The following PHEX variants were observed in gnomAD, a reference collection of about 807,000 sequenced individuals.
The protein encoded by PHEX is phosphate regulating endopeptidase X-linked.
Under a neutral mutation model 68.0 loss-of-function variants are expected in PHEX, and 16 were observed. The ratio of observed to expected loss-of-function variants is 0.24; its 90% confidence interval spans 0.16 to 0.36. The LOEUF (loss-of-function observed/expected upper bound fraction) is 0.36, where lower values mean the gene tolerates loss of function less well. Ranked by LOEUF, PHEX falls within the 10% of genes least tolerant of loss-of-function variation. The probability of loss-of-function intolerance (pLI) is 1.00; values close to 1 mark genes in which losing one functional copy is unlikely to be tolerated. For missense variants in PHEX, 480 were observed against 575.5 expected, an observed-to-expected ratio of 0.83 and a Z score of 1.70; for synonymous variants, 208 against 205.1, an observed-to-expected ratio of 1.01 and a Z score of -0.12.
chrX:22,249,462 A>ATATATATATATATATATATATATATATG lies in PHEX; in HGVS notation c.*1534_*1535insATGTATATATATATATATATATATATAT, dbSNP rs1315432352. The ATATATATATATATATATATATATATATG allele has an allele frequency of 1.5e-5, 1 of 64,845 alleles. No individual in the cohort carries two copies. The highest frequency in any genetic ancestry group is 2.8e-5 in the Non-Finnish European group (1 of 35,536). 5.3% of individuals were successfully genotyped at this position (64,845 alleles called of 1,213,427 possible). ...TCTTTTAAAAAAAAAAAAAATATAT[A>ATATATATATATATATATATATATATATG]TATATATATATATATATATATATAT... On this transcript the variant is annotated 3_prime_UTR_variant, in exon 22 of 22. Transcript: ENST00000379374.
intron 13 of PHEX, among the ~76,000 whole-genome samples, chrX:22,168,732 T>C (rs1245668165): frequency 8.9e-6 from 1 of 112,499 alleles, no homozygotes; most frequent in Non-Finnish European, 1.9e-5. Flanking sequence ...ATGTTTGTTG[T>C]TAAATACTTT....
chrX:22,237,177 T>A (rs1569439080), intron 20 of PHEX, among the ~76,000 whole-genome samples: 2 of 111,916 alleles, frequency 1.8e-5, no homozygotes, highest in Non-Finnish European at 3.8e-5. Context: ...GTCTCTTAAG[T>A]GATATATTAA....
At chrX:22,105,931 A>G (rs1333164166) in intron 9 of PHEX, among the ~76,000 whole-genome samples, 1 of 111,963 alleles carries the variant, frequency 8.9e-6, no homozygotes, top group Admixed American at 9.5e-5. Flanking sequence ...TCCCAAATCT[A>G]AAAATTAAAA....
intron 9 of PHEX, among the ~76,000 whole-genome samples, chrX:22,100,016 C>A (rs772795194): frequency 8.9e-6 from 1 of 112,376 alleles, no homozygotes; most frequent in East Asian, 2.8e-4. Context: ...AAGATACTTT[C>A]TGATGATAAA....
chrX:22,078,627 T>C (rs1929261305), intron 5 of PHEX, among the ~76,000 whole-genome samples: 2 of 112,109 alleles, frequency 1.8e-5, no homozygotes, highest in Admixed American at 1.9e-4. Flanking sequence ...AAGCTGGTCA[T>C]CGTTTGATCA....
intron 12 of PHEX, 147 bp from the exon 13 acceptor site, chrX:22,168,165 A>G: frequency 2.0e-6 from 1 of 500,158 alleles, no homozygotes; most frequent in African/African-American, 2.3e-5. Context: ...ATATATATCT[A>G]TATATTTTTG....
chrX:22,088,896 C>A (rs947956549), intron 5 of PHEX, among the ~76,000 whole-genome samples: 4 of 112,113 alleles, frequency 3.6e-5, no homozygotes, highest in African/African-American at 1.3e-4. Flanking sequence ...AAATTTTTCC[C>A]AATATTTTTT....
At chrX:22,139,402 A>AATCCATATTTTG (rs1932363147) in intron 12 of PHEX, among the ~76,000 whole-genome samples, 1 of 112,216 alleles carries the variant, frequency 8.9e-6, no homozygotes, top group African/African-American at 3.2e-5. Flanking sequence ...TTTTGAACAA[A>AATCCATATTTTG]TTCAGTATTG....
At chrX:22,177,168 G>T (rs1189851770) in intron 13 of PHEX, among the ~76,000 whole-genome samples, 1 of 111,446 alleles carries the variant, frequency 9.0e-6, no homozygotes, top group Non-Finnish European at 1.9e-5. Context: ...GCCAGACATT[G>T]GTCAACAAGT....
At chrX:22,057,593 AG>A (rs201973855) in intron 3 of PHEX, among the ~76,000 whole-genome samples, 2 of 110,626 alleles carry the variant, frequency 1.8e-5, no homozygotes, top group African/African-American at 6.6e-5. Context: ...TCGATCTCAA[AG>A]AAAAAAAAAA....
chrX:22,093,254 A>G (rs1217968856), intron 6 of PHEX, among the ~76,000 whole-genome samples: 1 of 111,907 alleles, frequency 8.9e-6, no homozygotes, highest in Non-Finnish European at 1.9e-5. Context: ...TCACAAATAT[A>G]TCTGAAATGA....
At chrX:22,143,150 A>G (rs1271679380) in intron 12 of PHEX, among the ~76,000 whole-genome samples, 2 of 112,296 alleles carry the variant, frequency 1.8e-5, no homozygotes, top group Non-Finnish European at 3.8e-5. Flanking sequence ...AAATTCACCT[A>G]ACATAAAACT....
chrX:22,083,918 TAAAAG>T (rs1009757207), intron 5 of PHEX, among the ~76,000 whole-genome samples: 3 of 112,308 alleles, frequency 2.7e-5, no homozygotes, highest in Non-Finnish European at 3.8e-5. Context: ...TTCTACATCT[TAAAAG>T]AAAGGCTTTT....
intron 20 of PHEX, among the ~76,000 whole-genome samples, chrX:22,229,880 AGTTT>A (rs1301340751): frequency 3.6e-5 from 4 of 111,334 alleles, no homozygotes; most frequent in African/African-American, 9.8e-5. Flanking sequence ...TTAGGTCTTA[AGTTT>A]GTTTAAGTCT....
At chrX:22,163,735 G>A (rs1187052153) in intron 12 of PHEX, among the ~76,000 whole-genome samples, 1 of 111,659 alleles carries the variant, frequency 9.0e-6, no homozygotes, top group African/African-American at 3.3e-5. Context: ...TAACCAATAG[G>A]GTAATTAATC....
chrX:22,145,323 A>G (rs192688530), intron 12 of PHEX, among the ~76,000 whole-genome samples: 46 of 112,382 alleles, frequency 4.1e-4, no homozygotes, highest in African/African-American at 1.4e-3. Context: ...AAAGTTACCC[A>G]GGAGGGGCCC....
At chrX:22,157,764 G>A (rs1932994735) in intron 12 of PHEX, among the ~76,000 whole-genome samples, 1 of 111,955 alleles carries the variant, frequency 8.9e-6, no homozygotes, top group Non-Finnish European at 1.9e-5. Flanking sequence ...AGAGTAATGA[G>A]GGTTTTCTGC....
At chrX:22,218,751 G>T (rs1000903410) in intron 16 of PHEX, among the ~76,000 whole-genome samples, 1 of 111,892 alleles carries the variant, frequency 8.9e-6, no homozygotes, top group African/African-American at 3.2e-5. Context: ...AGGCTGAAAG[G>T]GACTTTAGAA....
At chrX:22,058,006 A>G (rs1391094591) in intron 3 of PHEX, among the ~76,000 whole-genome samples, 1 of 111,471 alleles carries the variant, frequency 9.0e-6, no homozygotes, top group Non-Finnish European at 1.9e-5. Context: ...TGCCCCTGAA[A>G]GGAGGGGAAG....
Sources: allele counts gnomAD v4.1 joint callset (sites outside exome capture counted in the v4.1 genomes callset), GRCh38; gene constraint gnomAD v4.1.1; transcripts MANE v1.5; gene names NCBI Gene and HGNC (gene_info 2026-07-23, HGNC 2026-07-21).